The following GABRG3 variants were observed in gnomAD, a reference collection of about 807,000 sequenced individuals.
GABRG3 encodes gamma-aminobutyric acid receptor subunit gamma-3.
In GABRG3, 25 loss-of-function variants were observed where a neutral mutation model predicts 48.8. That is an observed-to-expected ratio of 0.51 (90% CI 0.37 to 0.72). The LOEUF (loss-of-function observed/expected upper bound fraction) is 0.72. Ranked by LOEUF, GABRG3 falls within the 30% of genes least tolerant of loss-of-function variation. The pLI, the probability that GABRG3 is intolerant of heterozygous loss-of-function variation, is 0.00. For synonymous variants in GABRG3, 227 were observed against 217.6 expected (o/e 1.04, Z -0.38); for missense variants, 394 against 577.9 (o/e 0.68, Z 3.26).
intron 3 of GABRG3, among the ~76,000 whole-genome samples, chr15:27,045,083 C>A (rs545539465): frequency 6.6e-6 from 1 of 152,190 alleles, no homozygotes; most frequent in Non-Finnish European, 1.5e-5. Flanking sequence ...CATTAATTCA[C>A]ATAACTACTG....
intron 3 of GABRG3, among the ~76,000 whole-genome samples, chr15:27,162,121 C>T (rs1887214109): frequency 6.6e-6 from 1 of 152,002 alleles, no homozygotes; most frequent in African/African-American, 2.4e-5. Flanking sequence ...CCCATCTGAC[C>T]CAAAATATCT....
chr15:26,995,868 T>C (rs1249325523), intron 2 of GABRG3, among the ~76,000 whole-genome samples: 7 of 152,140 alleles, frequency 4.6e-5, no homozygotes, highest in Non-Finnish European at 8.8e-5. Flanking sequence ...CTTTTTTATA[T>C]GCACCATTTA....
chr15:27,087,635 T>C (rs1023754642), intron 3 of GABRG3, among the ~76,000 whole-genome samples: 4 of 151,962 alleles, frequency 2.6e-5, no homozygotes, highest in Non-Finnish European at 4.4e-5. Flanking sequence ...ATGTGTGAGA[T>C]TGTATGTGCT....
rs548275675 is a variant in GABRG3, at chr15:27,307,025, T to A, written c.271-19784T>A. Among the ~76,000 whole-genome samples, 234 of 121,796 alleles carry A rather than the reference T, an allele frequency of 1.9e-3. 36 individuals are homozygous for A. Among genetic ancestry groups the A allele is most frequent in the South Asian group, 3.5e-3 (14 of 4,034 alleles). The allele number at this position is 121,796 out of a possible 152,430, so 79.9% of individuals were successfully genotyped here. On this transcript the variant is annotated intron_variant, in intron 3 of 9. Coordinates refer to ENST00000615808, the MANE Select transcript of GABRG3 (RefSeq NM_033223.5). Reference sequence around the variant, plus strand: ...AAACATGTATAAACATGTTTATATATAAACATGTATAAAATAAACATGTTT... The same window carrying A: ...AAACATGTATAAACATGTTTATATAAAAACATGTATAAAATAAACATGTTT...
At chr15:27,307,091 C>CAT (rs374406888) in intron 3 of GABRG3, among the ~76,000 whole-genome samples, 1,173 of 116,046 alleles carry the variant, frequency 0.01, 68 homozygotes, top group African/African-American at 0.047. Context: ...TATATATAAA[C>CAT]ATATAATATA....
chr15:27,402,179 A>G (rs966617193), intron 5 of GABRG3, among the ~76,000 whole-genome samples: 3 of 152,246 alleles, frequency 2.0e-5, no homozygotes, highest in African/African-American at 7.2e-5. Flanking sequence ...ATCTACTTAC[A>G]AAAGCCATCT....
intron 3 of GABRG3, among the ~76,000 whole-genome samples, chr15:27,202,363 G>A (rs1037373004): frequency 9.9e-5 from 15 of 151,976 alleles, no homozygotes; most frequent in African/African-American, 3.6e-4. Context: ...ACCCGCTTTC[G>A]GTTTTCCCCA....
intron 5 of GABRG3, among the ~76,000 whole-genome samples, chr15:27,401,776 G>A (rs2140587658): frequency 6.6e-6 from 1 of 152,250 alleles, no homozygotes; most frequent in African/African-American, 2.4e-5. Context: ...TATCCCATAT[G>A]GAACTTACAA....
At chr15:27,105,680 CTT>C (rs932603975) in intron 3 of GABRG3, among the ~76,000 whole-genome samples, 3 of 152,084 alleles carry the variant, frequency 2.0e-5, no homozygotes, top group Admixed American at 2.0e-4. Flanking sequence ...AAAAGGGAAA[CTT>C]GAACACTGTT....
At chr15:27,034,376 A>G (rs140819514) in intron 3 of GABRG3, among the ~76,000 whole-genome samples, 145 of 152,218 alleles carry the variant, frequency 9.5e-4, no homozygotes, top group African/African-American at 3.4e-3. Flanking sequence ...TGTGTTATTT[A>G]TTTGTTTTGT....
At chr15:27,512,983 A>G (rs73369597) in intron 6 of GABRG3, among the ~76,000 whole-genome samples, 7,617 of 152,266 alleles carry the variant, frequency 0.05, 655 homozygotes, top group African/African-American at 0.17. Context: ...GAACATTCCA[A>G]ACAAATACTT....
intron 2 of GABRG3, among the ~76,000 whole-genome samples, chr15:26,987,245 AG>A (rs1045504910): frequency 2.5e-4 from 38 of 152,230 alleles, no homozygotes; most frequent in African/African-American, 7.7e-4. Context: ...AGGGGGCATC[AG>A]GTGCCTTCCA....
At chr15:27,293,491 A>G (rs542315246) in intron 3 of GABRG3, among the ~76,000 whole-genome samples, 1 of 149,408 alleles carries the variant, frequency 6.7e-6, no homozygotes, top group Non-Finnish European at 1.5e-5. Flanking sequence ...CCTGGCCAAC[A>G]TGGCGAAACC....
intron 3 of GABRG3, among the ~76,000 whole-genome samples, chr15:27,167,980 A>C (rs12440792): frequency 6.6e-6 from 1 of 152,176 alleles, no homozygotes; most frequent in Admixed American, 6.5e-5. Flanking sequence ...GGCGAGCAGA[A>C]GTGATGGAGG....
intron 5 of GABRG3, among the ~76,000 whole-genome samples, chr15:27,472,740 T>G (rs1889823028): frequency 6.6e-6 from 1 of 152,186 alleles, no homozygotes; most frequent in African/African-American, 2.4e-5. Context: ...AACTCTATTT[T>G]CCTATTAATT....
intron 3 of GABRG3, among the ~76,000 whole-genome samples, chr15:27,073,056 C>T (rs907168612): frequency 3.3e-5 from 5 of 152,192 alleles, no homozygotes; most frequent in African/African-American, 9.7e-5. Context: ...CCCAGGGTCC[C>T]GGATACCTGA....
chr15:27,165,597 T>G (rs1021886416), intron 3 of GABRG3, among the ~76,000 whole-genome samples: 2 of 152,064 alleles, frequency 1.3e-5, no homozygotes, highest in Non-Finnish European at 2.9e-5. Flanking sequence ...GTGCATCATT[T>G]CTGCTTGCTT....
rs78944906 is a variant in GABRG3 at position 27,476,047 on chromosome 15, C to T, written c.575-4603C>T. 7.2e-3 allele frequency among the ~76,000 whole-genome samples: 1,095 copies of T among 152,158 alleles called. 5 individuals carry two copies. Among genetic ancestry groups the T allele is most frequent in the African/African-American group, 0.025 (1,037 of 41,492 alleles). ...CCAAAGGAGACCCGGCTCAAAAGAACATAAAAGCAACAACAACCACAAAAA... is the reference window on the plus strand; with the variant it reads ...CCAAAGGAGACCCGGCTCAAAAGAATATAAAAGCAACAACAACCACAAAAA... On this transcript the variant is annotated intron_variant, in intron 5 of 9. Transcript: ENST00000615808.
chr15:27,409,492 G>A (rs994139523), intron 5 of GABRG3, among the ~76,000 whole-genome samples: 5 of 152,170 alleles, frequency 3.3e-5, no homozygotes, highest in Middle Eastern at 3.4e-3. Context: ...CTCAATTACT[G>A]TAGCTATATA....
Sources: gnomAD v4.1 joint callset for allele counts (sites outside exome capture counted in the v4.1 genomes callset) on GRCh38, gnomAD v4.1.1 for gene constraint, MANE v1.5 for transcripts, NCBI Gene and HGNC (gene_info 2026-07-23, HGNC 2026-07-21) for gene names.